ACOT11: variants seen among roughly 807,000 people sequenced by gnomAD.
ACOT11 encodes acyl-coenzyme A thioesterase 11.
A neutral mutation model predicts 77.5 loss-of-function variants in ACOT11; 69 were observed. The observed-to-expected ratio is 0.89, with a 90% CI of 0.73 to 1.09. ACOT11 has a LOEUF of 1.09. ACOT11 is among the 50% of genes least tolerant of loss of function. ACOT11 has a pLI of 0.00. For synonymous variants in ACOT11, 279 were observed against 313.0 expected (o/e 0.89, Z 1.15); for missense variants, 766 against 813.7 (o/e 0.94, Z 0.71).
At chr1:54,626,506 A>G (rs1644273933) in intron 15 of ACOT11, among the ~76,000 whole-genome samples, 1 of 79,506 alleles carries the variant, frequency 1.3e-5, no homozygotes, top group Non-Finnish European at 3.3e-5. Context: ...ACACTGCCAA[A>G]TGACTCTCAT....
rs1644103374 is a variant in ACOT11 at position 54,610,307 on chromosome 1, A to G, written c.*1195A>G. ...ACCTTGCATCCAGGGTATGGTGTAA[A>G]TAAACCTGTGTTGCCATGGCAACAG... On this transcript the variant is annotated 3_prime_UTR_variant, in exon 16 of 16. Coordinates refer to ENST00000343744, the MANE Select transcript of ACOT11 (RefSeq NM_147161.4). The G allele has an allele frequency of 2.6e-6, 4 of 1,541,218 alleles. No individual in the cohort carries two copies. The highest frequency in any genetic ancestry group is 3.5e-6 in the Non-Finnish European group (4 of 1,146,332).
downstream of ACOT11, among the ~76,000 whole-genome samples, chr1:54,613,673 T>C (rs944937705): frequency 2.0e-5 from 3 of 152,332 alleles, no homozygotes; most frequent in East Asian, 1.9e-4. Context: ...CAAACTTTAA[T>C]AGGCAAATTA....
intron 15 of ACOT11, among the ~76,000 whole-genome samples, chr1:54,619,691 T>A (rs752217394): frequency 1.3e-5 from 2 of 152,320 alleles, no homozygotes; most frequent in South Asian, 2.1e-4. Flanking sequence ...GTTTGTCAGC[T>A]GCACAACCTT....
downstream of ACOT11, chr1:54,610,538 G>T (rs762609678): frequency 1.9e-6 from 3 of 1,612,690 alleles, no homozygotes; most frequent in South Asian, 3.3e-5. Context: ...TAGTACATTG[G>T]TTTCCGTGTG....
intron 1 of ACOT11, among the ~76,000 whole-genome samples, chr1:54,564,817 G>A (rs1241988150): frequency 6.6e-6 from 1 of 152,154 alleles, no homozygotes; most frequent in Admixed American, 6.6e-5. Flanking sequence ...GGGCGGTGGG[G>A]GGTGATAATG....
Position 54,604,518 on chromosome 1 carries a change from T to G in ACOT11, c.1236+89T>G, listed in dbSNP as rs564222412. On this transcript the variant is annotated intron_variant, in intron 12 of 15. Coordinates refer to ENST00000343744, the MANE Select transcript of ACOT11 (RefSeq NM_147161.4). ...AACAAGAACTCTCCCACACCACTTA[T>G]GTCAAAAAAAGATCTCTTCAAAGAA... 4.9e-5 allele frequency: 60 copies of G among 1,216,008 alleles called. No individual in the cohort carries two copies. The South Asian group carries it at 7.3e-4, about 15-fold the overall frequency. The allele number at this position is 1,216,008 out of a possible 1,614,324, so 75.3% of individuals were successfully genotyped here.
intron 1 of ACOT11, among the ~76,000 whole-genome samples, chr1:54,553,764 C>T (rs1033375468): frequency 2.6e-5 from 4 of 152,148 alleles, no homozygotes; most frequent in East Asian, 1.9e-4. Flanking sequence ...CCCCCAACAA[C>T]CCCTGCCTCT....
chr1:54,612,505 G>A, downstream of ACOT11: 2 of 1,613,842 alleles, frequency 1.2e-6, no homozygotes, highest in Non-Finnish European at 1.7e-6. Flanking sequence ...TGGCTCAGCA[G>A]CCAGCTGAAG....
chr1:54,585,918 C>G lies in ACOT11; in HGVS notation c.311+14C>G, dbSNP rs375645835. 1.2e-6 allele frequency: 2 copies of G among 1,613,810 alleles called. No individual in the cohort carries two copies. The highest frequency in any genetic ancestry group is 1.7e-5 in the Admixed American group (1 of 60,002). On this transcript the variant is annotated intron_variant, in intron 3 of 15. Coordinates refer to ENST00000343744, the MANE Select transcript of ACOT11 (RefSeq NM_147161.4). Reference sequence around the variant, plus strand: ...GCACACCATTAGGTAAGTGGCCCCTCCTGCCTCAAGGTCCTCTGGGCTCCC... The same window carrying G: ...GCACACCATTAGGTAAGTGGCCCCTGCTGCCTCAAGGTCCTCTGGGCTCCC...
chr1:54,599,592 C>G, intron 8 of ACOT11, 177 bp downstream of exon 8: 1 of 718,690 alleles, frequency 1.4e-6, no homozygotes, highest in Non-Finnish European at 1.9e-6. Context: ...TTCTTGGGAG[C>G]CTTCCCTGGC....
chr1:54,576,745 A>G (rs567710465), intron 1 of ACOT11, among the ~76,000 whole-genome samples: 11 of 152,270 alleles, frequency 7.2e-5, no homozygotes, highest in Admixed American at 2.0e-4. Flanking sequence ...TAATTTTGTG[A>G]GGATGGCTTC....
rs1644083182 is a variant in ACOT11 at position 54,609,410 on chromosome 1, A to G, written c.*298A>G. 6.2e-7 allele frequency: 1 copy of G among 1,613,926 alleles called. No homozygotes were observed. The highest frequency in any genetic ancestry group is 8.5e-7 in the Non-Finnish European group (1 of 1,179,996). Reference sequence around the variant, plus strand: ...GTCGCCCCCAGCTGGGTTGTGCTCCACTGTGACGGTGGCCCGGGGGGAGGA... The same window carrying G: ...GTCGCCCCCAGCTGGGTTGTGCTCCGCTGTGACGGTGGCCCGGGGGGAGGA... On this transcript the variant is annotated 3_prime_UTR_variant, in exon 16 of 16. Transcript: ENST00000343744.
intron 15 of ACOT11, chr1:54,623,491 C>G: frequency 1.1e-6 from 1 of 875,874 alleles, no homozygotes; most frequent in Non-Finnish European, 1.9e-6. Context: ...GAGCTCCCAG[C>G]AGCACCTAAT....
intron 13 of ACOT11, among the ~76,000 whole-genome samples, chr1:54,606,615 A>G (rs560250622): frequency 6.6e-6 from 1 of 152,298 alleles, no homozygotes; most frequent in African/African-American, 2.4e-5. Context: ...TATCTTCCTC[A>G]TCTATGAGAT....
In ACOT11 at chr1:54,585,830, A is replaced by C; in HGVS notation, c.242-5A>C. 1 of 1,613,918 alleles carries C rather than the reference A, an allele frequency of 6.2e-7. No homozygotes were observed. The highest frequency in any genetic ancestry group is 8.5e-7 in the Non-Finnish European group (1 of 1,179,916). ...TAATGTCTGGCTTTCTTCTGCTGAC[A>C]CCAGCGGAGAGGCACGCTGGCTGCC... is the stretch of plus-strand genomic sequence containing the variant. On this transcript the variant is annotated splice_polypyrimidine_tract_variant and splice_region_variant and intron_variant, in intron 2 of 15. Transcript: ENST00000343744.
chr1:54,585,250 G>A (rs1380204945), intron 2 of ACOT11, among the ~76,000 whole-genome samples: 1 of 152,140 alleles, frequency 6.6e-6, no homozygotes, highest in African/African-American at 2.4e-5. Flanking sequence ...TTGTTGCACC[G>A]GTGTTCTCCA....
At chr1:54,559,047 A>T (rs1289333016) in intron 1 of ACOT11, among the ~76,000 whole-genome samples, 1 of 152,176 alleles carries the variant, frequency 6.6e-6, no homozygotes, top group East Asian at 1.9e-4. Flanking sequence ...TAAAAGGCTC[A>T]GCCCCCGTGA....
chr1:54,635,762 G>C (rs955361643), exon 17 of ACOT11: 4 of 153,862 alleles, frequency 2.6e-5, no homozygotes, highest in African/African-American at 9.6e-5. Context: ...GAGTCTCTTT[G>C]CAAATCGAAG....
intron 1 of ACOT11, among the ~76,000 whole-genome samples, chr1:54,575,634 T>C (rs1654087088): frequency 6.6e-6 from 1 of 152,252 alleles, no homozygotes; most frequent in African/African-American, 2.4e-5. Flanking sequence ...GCCCTGGAGA[T>C]ACCAGAAGTA....
Sources: allele counts gnomAD v4.1 joint callset (sites outside exome capture counted in the v4.1 genomes callset), GRCh38; gene constraint gnomAD v4.1.1; transcripts MANE v1.5; gene names NCBI Gene and HGNC (gene_info 2026-07-23, HGNC 2026-07-21).